The following CDV3 variants were observed in gnomAD, a reference collection of about 807,000 sequenced individuals.
CDV3 encodes the protein protein CDV3 homolog.
A neutral mutation model predicts 24.5 loss-of-function variants in CDV3; 14 were observed. That is an observed-to-expected ratio of 0.57 (90% CI 0.38 to 0.89). CDV3 has a LOEUF of 0.89. Ranked by LOEUF, CDV3 falls within the 40% of genes least tolerant of loss-of-function variation. The pLI is 0.00. For missense variants in CDV3, 304 were observed against 310.2 expected, an observed-to-expected ratio of 0.98 and a Z score of 0.15; for synonymous variants, 114 against 114.1, an observed-to-expected ratio of 1.00 and a Z score of 0.00.
At chr3:133,586,047 TGGA>T (rs1314400817) in intron 3 of CDV3, among the ~76,000 whole-genome samples, 1 of 152,224 alleles carries the variant, frequency 6.6e-6, no homozygotes, top group African/African-American at 2.4e-5. Flanking sequence ...AAGTTGTACG[TGGA>T]GGAGGAGTTA....
Position 133,587,940 on chromosome 3 carries a change from A to G in CDV3, c.671A>G (p.Asn224Ser), listed in dbSNP as rs1329373701. The G allele has an allele frequency of 1.2e-6, 2 of 1,613,666 alleles. No individual in the cohort carries two copies. Among genetic ancestry groups the G allele is most frequent in the Non-Finnish European group, 1.7e-6 (2 of 1,179,554 alleles). Reference protein sequence around the residue: ...EKSFEVVRHKNRGRDEVSKNQ... With the variant: ...EKSFEVVRHKSRGRDEVSKNQ... ...AGCTTTGAAGTAGTAAGACACAAAA[A>G]TAGAGGTAGGGATGAGGTTTCAAAA... The change falls in exon 5 of 5, where the codon AAT becomes AGT. Residue 224 changes from asparagine (N) to serine (S), a missense_variant. Transcript: ENST00000264993.
intron 2 of CDV3, among the ~76,000 whole-genome samples, chr3:133,582,147 C>G (rs896517933): frequency 2.0e-5 from 3 of 151,998 alleles, no homozygotes; most frequent in Admixed American, 1.3e-4. Flanking sequence ...TCATACAATG[C>G]TGCCATTATT....
intron 2 of CDV3, among the ~76,000 whole-genome samples, chr3:133,577,313 T>A (rs2074852252): frequency 6.7e-6 from 1 of 150,100 alleles, no homozygotes; most frequent in Non-Finnish European, 1.5e-5. Context: ...TTTATCTTTT[T>A]CTATTTCTCG....
chr3:133,587,365 C>G, intron 4 of CDV3: 1 of 1,236,460 alleles, frequency 8.1e-7, no homozygotes, highest in African/African-American at 1.6e-5. Context: ...GAATTTAAAC[C>G]TCCACGTGGA....
intron 3 of CDV3, among the ~76,000 whole-genome samples, chr3:133,584,466 A>G (rs1933381492): frequency 6.6e-6 from 1 of 152,202 alleles, no homozygotes; most frequent in South Asian, 2.1e-4. Flanking sequence ...ACTACTTGCT[A>G]ATGGAGGAAA....
chr3:133,588,337 A>G lies in CDV3; in HGVS notation c.*291A>G. On this transcript the variant is annotated 3_prime_UTR_variant, in exon 5 of 5. Coordinates refer to ENST00000264993, the MANE Select transcript of CDV3 (RefSeq NM_017548.5). ...ACCTGCAGCCAGTGGTCATTTCAAA[A>G]TCTTTTTATGTTCAGATACTGAGCC... is the stretch of plus-strand genomic sequence containing the variant. 8 of 1,536,398 alleles carry G rather than the reference A, an allele frequency of 5.2e-6. No homozygotes were observed. Among genetic ancestry groups the G allele is most frequent in the Non-Finnish European group, 7.0e-6 (8 of 1,146,888 alleles).
At chr3:133,582,121 C>A (rs1468014031) in intron 2 of CDV3, among the ~76,000 whole-genome samples, 1 of 152,046 alleles carries the variant, frequency 6.6e-6, no homozygotes, top group South Asian at 2.1e-4. Flanking sequence ...GCAGTCACTT[C>A]TGGTTGGTAG....
At chr3:133,587,660 TCA>T in intron 4 of CDV3, 1 of 1,207,924 alleles carries the variant, frequency 8.3e-7, no homozygotes, top group Non-Finnish European at 1.0e-6. Context: ...TGAAATAGGG[TCA>T]CAGTTAATAC....
chr3:133,587,831 G>A (rs1933771974), intron 4 of CDV3, 65 bp from the exon 5 acceptor site: 1 of 1,523,012 alleles, frequency 6.6e-7, no homozygotes, highest in African/African-American at 1.4e-5. Context: ...TAAATTCAAG[G>A]ACGAATATTT....
intron 3 of CDV3, among the ~76,000 whole-genome samples, chr3:133,586,310 G>A (rs1352701651): frequency 6.6e-6 from 1 of 151,962 alleles, no homozygotes; most frequent in East Asian, 1.9e-4. Context: ...TGGCCCAGCT[G>A]GTCTTGAACT....
rs1409610051 is a variant in CDV3 at position 133,588,503 on chromosome 3, C to G, written c.*457C>G. ...CTCTACTGGATTCTTATCAGAAATC[C>G]TGCATAAAAAGTCAGCCATCTGGGT... is the stretch of plus-strand genomic sequence containing the variant. On this transcript the variant is annotated 3_prime_UTR_variant, in exon 5 of 5. Coordinates refer to ENST00000264993, the MANE Select transcript of CDV3 (RefSeq NM_017548.5). 7 of 905,460 alleles carry G rather than the reference C, an allele frequency of 7.7e-6. No homozygotes were observed. Among genetic ancestry groups the G allele is most frequent in the Admixed American group, 2.5e-5 (1 of 39,258 alleles). 56.1% of individuals were successfully genotyped at this position (905,460 alleles called of 1,614,324 possible). A position where few individuals can be genotyped will look rare whatever the true frequency, so the allele number is the denominator to read the frequency against.
chr3:133,580,075 C>T (rs1221396716), intron 2 of CDV3, among the ~76,000 whole-genome samples: 1 of 152,120 alleles, frequency 6.6e-6, no homozygotes, highest in East Asian at 1.9e-4. Flanking sequence ...CACCCATCAA[C>T]TTGTCATTTA....
At position 133,575,019 on chromosome 3, in the gene CDV3, A is replaced by C. The variant is rs1476732530; in HGVS notation, c.241-20A>C. ...TGTCTACAAATAGCTTTAATTGATCAAATGGCGTTTGTTTTACAGGACGAA... is the reference window on the plus strand; with the variant it reads ...TGTCTACAAATAGCTTTAATTGATCCAATGGCGTTTGTTTTACAGGACGAA... On this transcript the variant is annotated intron_variant, in intron 1 of 4. Coordinates refer to ENST00000264993, the MANE Select transcript of CDV3 (RefSeq NM_017548.5). 6.7e-7 allele frequency: 1 copy of C among 1,491,772 alleles called. No homozygotes were observed. The highest frequency in any genetic ancestry group is 9.4e-7 in the Non-Finnish European group (1 of 1,069,404). The allele number at this position is 1,491,772 out of a possible 1,614,324, so 92.4% of individuals were successfully genotyped here.
intron 4 of CDV3, 125 bp downstream of exon 4, chr3:133,586,847 C>T: frequency 3.1e-6 from 2 of 636,474 alleles, no homozygotes; most frequent in Non-Finnish European, 5.6e-6. Context: ...GCCTGAGCTT[C>T]AGCTGACAGG....
intron 2 of CDV3, among the ~76,000 whole-genome samples, chr3:133,579,894 A>T (rs899675948): frequency 3.2e-4 from 49 of 152,258 alleles, no homozygotes; most frequent in African/African-American, 1.1e-3. Flanking sequence ...CGCCCGGCTG[A>T]TAAAGAGTCT....
intron 2 of CDV3, among the ~76,000 whole-genome samples, chr3:133,583,132 A>G (rs754077673): frequency 3.9e-5 from 6 of 152,198 alleles, no homozygotes; most frequent in Non-Finnish European, 8.8e-5. Flanking sequence ...CATTTATAAC[A>G]TCTGGAAAGC....
intron 4 of CDV3, among the ~76,000 whole-genome samples, chr3:133,586,931 C>G (rs899283128): frequency 5.3e-5 from 8 of 152,200 alleles, no homozygotes; most frequent in African/African-American, 1.7e-4. Flanking sequence ...ATTGGAGACA[C>G]TTTGTCTTCT....
chr3:133,577,223 A>G (rs767969476), intron 2 of CDV3, among the ~76,000 whole-genome samples: 7 of 151,948 alleles, frequency 4.6e-5, no homozygotes, highest in Non-Finnish European at 7.4e-5. Flanking sequence ...TAGTAGAGGT[A>G]TTCCACTAAC....
At chr3:133,586,852 G>C in intron 4 of CDV3, 130 bp downstream of exon 4, 1 of 630,912 alleles carries the variant, frequency 1.6e-6, no homozygotes, top group South Asian at 2.1e-5. Context: ...AGCTTCAGCT[G>C]ACAGGCAGGT....
Sources: gnomAD v4.1 joint callset for allele counts (sites outside exome capture counted in the v4.1 genomes callset) on GRCh38, gnomAD v4.1.1 for gene constraint, MANE v1.5 for transcripts, NCBI Gene and HGNC (gene_info 2026-07-23, HGNC 2026-07-21) for gene names.